Variants in SAMD5 observed in about 807,000 individuals in gnomAD.
SAMD5 encodes sterile alpha motif domain containing 5.
In SAMD5, 13 loss-of-function variants were observed where a neutral mutation model predicts 11.3. The ratio of observed to expected loss-of-function variants is 1.15; its 90% CI spans 0.75 to 1.83. SAMD5 has a LOEUF of 1.83. Ranked by LOEUF, SAMD5 falls within the 40% of genes most tolerant of loss-of-function variation. The probability of loss-of-function intolerance (pLI) is 0.00; values close to 1 mark genes in which losing one functional copy is unlikely to be tolerated. For missense variants in SAMD5, 255 were observed against 239.1 expected, an observed-to-expected ratio of 1.07 and a Z score of -0.44; for synonymous variants, 129 against 111.3, an observed-to-expected ratio of 1.16 and a Z score of -1.00.
Position 147,523,987 on chromosome 6 carries a change from A to G in SAMD5, c.459+14600A>G, listed in dbSNP as rs1788295389. On this transcript the variant is annotated intron_variant, in intron 1 of 1. Transcript: ENST00000367474. ...TGAGCCAGGGGTATGCAAGGAATTTACTCTTTGAGACCTACTTCATTACAG... is the reference window on the plus strand; with the variant it reads ...TGAGCCAGGGGTATGCAAGGAATTTGCTCTTTGAGACCTACTTCATTACAG... 2.0e-5 allele frequency among the ~76,000 whole-genome samples: 3 copies of G among 152,082 alleles called. No individual in the cohort carries two copies. The South Asian group carries it at 6.2e-4, about 32-fold the overall frequency.
At position 147,554,750 on chromosome 6, in the gene SAMD5, A is replaced by G. The variant is rs114511375; in HGVS notation, c.460-9644A>G. Among the ~76,000 whole-genome samples the G allele has an allele frequency of 3.7e-3, 558 of 152,254 alleles. 2 individuals are homozygous for G. The highest frequency in any genetic ancestry group is 0.013 in the African/African-American group (539 of 41,552). On this transcript the variant is annotated intron_variant, in intron 1 of 1. Transcript: ENST00000367474. The stretch of plus-strand genomic sequence containing the variant: ...GTGGAGCGATTGCTAGGATGGAGCT[A>G]TCATTTGAATGGGCAGAATTCTATT...
intron 1 of SAMD5, among the ~76,000 whole-genome samples, chr6:147,719,681 T>C (rs1791519030): frequency 6.6e-6 from 1 of 152,192 alleles, no homozygotes; most frequent in Non-Finnish European, 1.5e-5. Flanking sequence ...GGTACAAATA[T>C]ACTCAGTAAA....
At chr6:147,908,752 T>G in the SAMD5 span, among the ~76,000 whole-genome samples, 1 of 152,162 alleles carries the variant, frequency 6.6e-6, no homozygotes, top group Admixed American at 6.5e-5. Context: ...CAGGAAAGCT[T>G]ATTGAAGGGA....
intron 1 of SAMD5, among the ~76,000 whole-genome samples, chr6:147,668,412 GT>G (rs1169199511): frequency 6.6e-6 from 1 of 152,128 alleles, no homozygotes; most frequent in East Asian, 1.9e-4. Context: ...AATTTTCAGG[GT>G]TTTTTTGTAA....
the SAMD5 span, among the ~76,000 whole-genome samples, chr6:147,945,367 G>A: frequency 1.3e-5 from 2 of 152,156 alleles, no homozygotes; most frequent in African/African-American, 4.8e-5. Context: ...TATTATTTGT[G>A]TATGCTTTAC....
At chr6:147,729,942 A>G in intron 1 of SAMD5, 1 of 423,392 alleles carries the variant, frequency 2.4e-6, no homozygotes, top group Non-Finnish European at 4.7e-6. Context: ...GAAATTAGCC[A>G]GGTGTGATGG....
chr6:147,860,902 A>C, the SAMD5 span, among the ~76,000 whole-genome samples: 1 of 152,352 alleles, frequency 6.6e-6, no homozygotes, highest in East Asian at 1.9e-4. Flanking sequence ...ATATTTTTCC[A>C]TCTCCATATA....
intron 1 of SAMD5, among the ~76,000 whole-genome samples, chr6:147,729,312 T>G (rs1419186408): frequency 6.6e-6 from 1 of 152,206 alleles, no homozygotes; most frequent in Non-Finnish European, 1.5e-5. Context: ...GGTGACACAA[T>G]TCAGCCCGTA....
downstream of SAMD5, among the ~76,000 whole-genome samples, chr6:147,574,079 G>A (rs1240761869): frequency 4.0e-5 from 6 of 151,508 alleles, no homozygotes; most frequent in Non-Finnish European, 7.4e-5. Flanking sequence ...AGTGAGCTGA[G>A]ATCGCGCCAC....
At chr6:147,560,592 T>A (rs995592968) in intron 1 of SAMD5, among the ~76,000 whole-genome samples, 2 of 152,190 alleles carry the variant, frequency 1.3e-5, no homozygotes, top group African/African-American at 4.8e-5. Context: ...CTGAATGGTG[T>A]TTAGCCTGCA....
chr6:147,830,251 C>CTTTTTTTTTTTT, the SAMD5 span, among the ~76,000 whole-genome samples: 339 of 84,904 alleles, frequency 4.0e-3, no homozygotes, highest in Middle Eastern at 0.01. Context: ...TTCTTTCTTT[C>CTTTTTTTTTTTT]TTTTTTTTTT....
chr6:147,617,062 A>G (rs986565678), intron 1 of SAMD5, among the ~76,000 whole-genome samples: 2 of 152,170 alleles, frequency 1.3e-5, no homozygotes, highest in African/African-American at 4.8e-5. Flanking sequence ...TAATTTAATT[A>G]TTGAGATCTA....
intron 1 of SAMD5, among the ~76,000 whole-genome samples, chr6:147,728,947 T>C (rs966545541): frequency 9.8e-5 from 15 of 152,354 alleles, no homozygotes; most frequent in African/African-American, 3.6e-4. Flanking sequence ...CAAGGCTGTA[T>C]TCTTCTGCTG....
the SAMD5 span, among the ~76,000 whole-genome samples, chr6:147,870,457 T>A: frequency 4.8e-4 from 63 of 130,260 alleles, no homozygotes; most frequent in African/African-American, 1.6e-3. Context: ...TGAGTGTGTG[T>A]GTGTGTGTGT....
intron 1 of SAMD5, among the ~76,000 whole-genome samples, chr6:147,734,988 G>A (rs376574059): frequency 7.2e-5 from 11 of 152,052 alleles, no homozygotes; most frequent in Admixed American, 2.6e-4. Flanking sequence ...ACTAAACCAC[G>A]TAATTTTTGT....
intron 1 of SAMD5, among the ~76,000 whole-genome samples, chr6:147,526,763 A>G (rs1057253065): frequency 3.9e-5 from 6 of 152,222 alleles, no homozygotes; most frequent in Non-Finnish European, 8.8e-5. Flanking sequence ...TCAGAGTGAC[A>G]AAAGTGCGAG....
At chr6:147,792,796 G>C in the SAMD5 span, among the ~76,000 whole-genome samples, 2 of 152,146 alleles carry the variant, frequency 1.3e-5, no homozygotes, top group Non-Finnish European at 2.9e-5. Flanking sequence ...TATGTCAAAG[G>C]AACACTGGGG....
intron 1 of SAMD5, among the ~76,000 whole-genome samples, chr6:147,588,618 G>A (rs974791344): frequency 2.3e-4 from 35 of 151,918 alleles, no homozygotes; most frequent in Admixed American, 1.9e-3. Flanking sequence ...GAGCCACCGC[G>A]CCCAGCCTGT....
At chr6:147,820,820 T>A in the SAMD5 span, among the ~76,000 whole-genome samples, 1 of 152,312 alleles carries the variant, frequency 6.6e-6, no homozygotes, top group Non-Finnish European at 1.5e-5. Flanking sequence ...GCTGAAATTG[T>A]GAAGCTTCAC....
Sources: gnomAD v4.1 joint callset for allele counts (sites outside exome capture counted in the v4.1 genomes callset) on GRCh38, gnomAD v4.1.1 for gene constraint, MANE v1.5 for transcripts, NCBI Gene and HGNC (gene_info 2026-07-23, HGNC 2026-07-21) for gene names.